SPOCK1: variants seen among roughly 807,000 people sequenced by gnomAD.
SPOCK1 encodes the protein SPARC (osteonectin), cwcv and kazal like domains proteoglycan 1, also known as testican-1.
SPOCK1 carries 23 observed loss-of-function variants against 55.3 expected under a neutral mutation model. That is an observed-to-expected ratio of 0.42 (90% CI 0.30 to 0.59). The LOEUF (loss-of-function observed/expected upper bound fraction) is 0.59. Among genes scored for constraint, SPOCK1 ranks in the 20% least tolerant of loss-of-function variants. The pLI is 0.22. For synonymous variants in SPOCK1, 226 were observed against 221.0 expected, an observed-to-expected ratio of 1.02 and a Z score of -0.20; for missense variants, 499 against 552.5, an observed-to-expected ratio of 0.90 and a Z score of 0.97.
In SPOCK1 at chr5:137,476,037, T is replaced by G. The variant is rs548382934; in HGVS notation, c.186+22336A>C. Among the ~76,000 whole-genome samples the G allele has an allele frequency of 6.2e-5, 9 of 146,332 alleles. No individual in the cohort carries two copies. In the South Asian group the frequency reaches 1.7e-3, roughly 27 times the overall value. On this transcript the variant is annotated intron_variant, in intron 2 of 10. Transcript: ENST00000394945. Reference sequence around the variant, plus strand: ...TTGGGGAGGGGGCAAATTATAGGTTTTTTTTTTTTTAACTTTTAAGTTCAA... The same window carrying G: ...TTGGGGAGGGGGCAAATTATAGGTTGTTTTTTTTTTAACTTTTAAGTTCAA...
At chr5:137,368,947 C>A (rs1002373131) in intron 2 of SPOCK1, among the ~76,000 whole-genome samples, 3 of 152,218 alleles carry the variant, frequency 2.0e-5, no homozygotes, top group African/African-American at 7.2e-5. Context: ...TATTTCATTT[C>A]TTTTGTGTTG....
chr5:137,496,710 T>A (rs533560365), intron 2 of SPOCK1, among the ~76,000 whole-genome samples: 1 of 152,056 alleles, frequency 6.6e-6, no homozygotes, highest in African/African-American at 2.4e-5. Context: ...TTTTCAGCCA[T>A]AGGGAAAGGT....
intron 5 of SPOCK1, among the ~76,000 whole-genome samples, chr5:137,071,583 A>G (rs1041702661): frequency 2.0e-5 from 3 of 152,172 alleles, no homozygotes; most frequent in Admixed American, 6.5e-5. Flanking sequence ...TGTATCAAAG[A>G]CTTTATGATA....
At chr5:137,325,634 T>G (rs1346322821) in intron 2 of SPOCK1, among the ~76,000 whole-genome samples, 1 of 152,186 alleles carries the variant, frequency 6.6e-6, no homozygotes, top group Non-Finnish European at 1.5e-5. Flanking sequence ...CTCTCAGTGC[T>G]GGGTACACAG....
intron 3 of SPOCK1, among the ~76,000 whole-genome samples, chr5:137,188,700 G>A (rs887354453): frequency 3.3e-5 from 5 of 152,194 alleles, no homozygotes; most frequent in African/African-American, 1.2e-4. Context: ...AAGTGTTCAA[G>A]TGAAAGGAAA....
chr5:137,318,696 A>G (rs1479884452), intron 2 of SPOCK1, among the ~76,000 whole-genome samples: 7 of 152,244 alleles, frequency 4.6e-5, no homozygotes, highest in Admixed American at 4.6e-4. Flanking sequence ...AGTATTGCCT[A>G]TTGTTTAATT....
At chr5:137,370,286 G>T (rs1012061514) in intron 2 of SPOCK1, among the ~76,000 whole-genome samples, 4 of 152,148 alleles carry the variant, frequency 2.6e-5, no homozygotes, top group Admixed American at 6.5e-5. Context: ...ATGCTGAGCT[G>T]GTCATCATGC....
chr5:137,131,989 A>AAAAATAT (rs1391176339), intron 4 of SPOCK1, among the ~76,000 whole-genome samples: 8 of 36,054 alleles, frequency 2.2e-4, no homozygotes, highest in African/African-American at 1.5e-3. Context: ...AAAAAAAAAA[A>AAAAATAT]ATATATATAT....
intron 6 of SPOCK1, among the ~76,000 whole-genome samples, chr5:137,066,991 G>C (rs6874439): frequency 0.58 from 74,351 of 129,150 alleles, 20,240 homozygotes; most frequent in South Asian, 0.69. Context: ...CACACACAGA[G>C]AGAGAGAGAG....
intron 2 of SPOCK1, among the ~76,000 whole-genome samples, chr5:137,358,455 AAGGGG>A (rs771967424): frequency 0.05 from 3,369 of 67,342 alleles, 142 homozygotes; most frequent in Admixed American, 0.17. Context: ...GGAGGGAGGG[AAGGGG>A]AGGGGAGGGG....
At chr5:137,494,549 C>A (rs866108383) in intron 2 of SPOCK1, among the ~76,000 whole-genome samples, 8 of 152,216 alleles carry the variant, frequency 5.3e-5, no homozygotes, top group Admixed American at 2.0e-4. Flanking sequence ...CAGTGTCTGG[C>A]ACACTCGATG....
At chr5:137,114,917 A>G (rs1016644536) in intron 4 of SPOCK1, among the ~76,000 whole-genome samples, 3 of 152,258 alleles carry the variant, frequency 2.0e-5, no homozygotes, top group African/African-American at 7.2e-5. Context: ...ATAACCATGT[A>G]AAATGATGAC....
At chr5:137,458,815 C>T (rs1220376511) in intron 2 of SPOCK1, among the ~76,000 whole-genome samples, 1 of 152,128 alleles carries the variant, frequency 6.6e-6, no homozygotes, top group African/African-American at 2.4e-5. Context: ...AGACCCTCAG[C>T]TAAAATAAAA....
intron 2 of SPOCK1, among the ~76,000 whole-genome samples, chr5:137,470,307 T>A (rs756753988): frequency 6.6e-6 from 1 of 152,144 alleles, no homozygotes; most frequent in African/African-American, 2.4e-5. Flanking sequence ...TCAAGAAAAA[T>A]TTAAAGAGAA....
intron 4 of SPOCK1, among the ~76,000 whole-genome samples, chr5:137,115,438 TC>T (rs1410673629): frequency 6.6e-6 from 1 of 152,148 alleles, no homozygotes; most frequent in East Asian, 1.9e-4. Context: ...ACTATTTTCA[TC>T]CCCTGTTTTG....
At chr5:137,086,144 C>T (rs1355788639) in intron 5 of SPOCK1, among the ~76,000 whole-genome samples, 1 of 152,214 alleles carries the variant, frequency 6.6e-6, no homozygotes, top group Non-Finnish European at 1.5e-5. Flanking sequence ...ACACCTGACC[C>T]TCACTAAGGA....
chr5:137,223,302 T>C (rs1455306756), intron 3 of SPOCK1, among the ~76,000 whole-genome samples: 1 of 136,492 alleles, frequency 7.3e-6, no homozygotes, highest in African/African-American at 2.6e-5. Flanking sequence ...TAATGTGCTA[T>C]AACATGAAAA....
At chr5:137,442,669 TA>T (rs1205536169) in intron 2 of SPOCK1, among the ~76,000 whole-genome samples, 2 of 152,150 alleles carry the variant, frequency 1.3e-5, no homozygotes, top group African/African-American at 4.8e-5. Context: ...CTACCTTAGA[TA>T]AAAACTGATC....
At chr5:137,448,316 T>C (rs1561538471) in intron 2 of SPOCK1, among the ~76,000 whole-genome samples, 1 of 152,140 alleles carries the variant, frequency 6.6e-6, no homozygotes, top group Non-Finnish European at 1.5e-5. Flanking sequence ...GAACCACACC[T>C]CACCTCATGT....
Sources: gnomAD v4.1 joint callset for allele counts (sites outside exome capture counted in the v4.1 genomes callset) on GRCh38, gnomAD v4.1.1 for gene constraint, MANE v1.5 for transcripts, NCBI Gene and HGNC (gene_info 2026-07-23, HGNC 2026-07-21) for gene names.